Variants in NRXN3 observed in about 807,000 individuals in gnomAD.
NRXN3 encodes neurexin III.
Under a neutral mutation model 137.6 loss-of-function variants are expected in NRXN3, and 32 were observed. The observed-to-expected ratio is 0.23, with a 90% confidence interval of 0.18 to 0.31. NRXN3 has a LOEUF of 0.31. Ranked by LOEUF, NRXN3 falls within the 10% of genes least tolerant of loss-of-function variation. The pLI is 1.00. For synonymous variants in NRXN3, 798 were observed against 784.5 expected (o/e 1.02, Z -0.29); for missense variants, 1,574 against 2,062.5 (o/e 0.76, Z 4.59).
At chr14:78,908,549 C>T (rs1354791870) in intron 10 of NRXN3, among the ~76,000 whole-genome samples, 1 of 151,910 alleles carries the variant, frequency 6.6e-6, no homozygotes, top group African/African-American at 2.4e-5. Context: ...TAAAAATTTG[C>T]ACATTTCTGA....
chr14:78,993,736 G>T (rs1387560277), intron 15 of NRXN3, among the ~76,000 whole-genome samples: 1 of 151,664 alleles, frequency 6.6e-6, no homozygotes, highest in Admixed American at 6.6e-5. Context: ...TGTATAGCGA[G>T]GAGTCATAAG....
intron 4 of NRXN3, among the ~76,000 whole-genome samples, chr14:78,446,279 C>T (rs2094416883): frequency 6.6e-6 from 1 of 152,016 alleles, no homozygotes; most frequent in Non-Finnish European, 1.5e-5. Flanking sequence ...ATCTTGGTAC[C>T]AGGTCAATGA....
At chr14:79,677,951 A>G (rs1464670484) in intron 17 of NRXN3, among the ~76,000 whole-genome samples, 1 of 152,192 alleles carries the variant, frequency 6.6e-6, no homozygotes, top group Non-Finnish European at 1.5e-5. Flanking sequence ...CCAAAACATT[A>G]TTGAACTATT....
chr14:78,207,125 A>C (rs1482475546), intron 1 of NRXN3, among the ~76,000 whole-genome samples: 1 of 152,032 alleles, frequency 6.6e-6, no homozygotes, highest in African/African-American at 2.4e-5. Context: ...TGGCCTCCCA[A>C]AGTGCTGGGA....
intron 19 of NRXN3, among the ~76,000 whole-genome samples, chr14:79,788,303 C>T (rs980737916): frequency 6.6e-6 from 1 of 152,170 alleles, no homozygotes; most frequent in Non-Finnish European, 1.5e-5. Flanking sequence ...GAGATTTGGG[C>T]AGGACACAGA....
chr14:78,968,026 G>C (rs1385760753), intron 13 of NRXN3, 147 bp from the exon 14 acceptor site: 1 of 455,590 alleles, frequency 2.2e-6, no homozygotes, highest in Non-Finnish European at 3.8e-6. Flanking sequence ...TAGAAACTCA[G>C]GTGCTTATCT....
chr14:79,077,823 A>G (rs2046242035), intron 15 of NRXN3, among the ~76,000 whole-genome samples: 1 of 152,164 alleles, frequency 6.6e-6, no homozygotes, highest in African/African-American at 2.4e-5. Context: ...TTTACATTAT[A>G]TTCAGGCAGA....
chr14:78,327,013 G>A (rs2080191017), intron 4 of NRXN3, among the ~76,000 whole-genome samples: 1 of 152,002 alleles, frequency 6.6e-6, no homozygotes, highest in Admixed American at 6.6e-5. Context: ...ATGGTTGTGA[G>A]GATTAAACTA....
At chr14:78,842,412 G>A (rs2099015146) in intron 10 of NRXN3, among the ~76,000 whole-genome samples, 2 of 152,072 alleles carry the variant, frequency 1.3e-5, no homozygotes, top group South Asian at 4.2e-4. Flanking sequence ...ATTTCCAAAA[G>A]GGGAGGGAGT....
intron 15 of NRXN3, among the ~76,000 whole-genome samples, chr14:79,363,249 C>T (rs1400391448): frequency 6.6e-6 from 1 of 152,192 alleles, no homozygotes; most frequent in Non-Finnish European, 1.5e-5. Flanking sequence ...ATCCACCTGC[C>T]TCGGCCTCCC....
At chr14:78,863,865 G>A (rs891063792) in intron 10 of NRXN3, among the ~76,000 whole-genome samples, 1 of 152,004 alleles carries the variant, frequency 6.6e-6, no homozygotes, top group Non-Finnish European at 1.5e-5. Flanking sequence ...TAAATTCAAT[G>A]AGTCAGAATG....
intron 4 of NRXN3, among the ~76,000 whole-genome samples, chr14:78,318,260 G>A (rs1216673107): frequency 6.6e-6 from 1 of 152,174 alleles, no homozygotes; most frequent in East Asian, 1.9e-4. Context: ...CAGCATCTTA[G>A]GATCTTAGTT....
intron 4 of NRXN3, among the ~76,000 whole-genome samples, chr14:78,632,632 G>C (rs1465579183): frequency 6.6e-6 from 1 of 152,038 alleles, no homozygotes; most frequent in African/African-American, 2.4e-5. Context: ...TTTGAAAAAT[G>C]GGCTAGTAAA....
At chr14:78,709,130 G>T in intron 6 of NRXN3, 87 bp from the exon 7 acceptor site, 2 of 1,269,450 alleles carry the variant, frequency 1.6e-6, no homozygotes, top group Admixed American at 2.4e-5. Context: ...CCTCTTTTTG[G>T]GTCATTTTTC....
chr14:79,567,140 T>C (rs1214140363), intron 16 of NRXN3, among the ~76,000 whole-genome samples: 1 of 152,088 alleles, frequency 6.6e-6, no homozygotes, highest in Non-Finnish European at 1.5e-5. Context: ...CAGTAAGTTG[T>C]TCTCTGGCAA....
At chr14:79,427,705 G>T (rs1454965908) in intron 15 of NRXN3, among the ~76,000 whole-genome samples, 1 of 151,844 alleles carries the variant, frequency 6.6e-6, no homozygotes, top group Non-Finnish European at 1.5e-5. Flanking sequence ...GGTGGCATGT[G>T]CCTGTAATCC....
chr14:78,639,871 T>A (rs774106608), intron 4 of NRXN3, among the ~76,000 whole-genome samples: 28 of 152,296 alleles, frequency 1.8e-4, no homozygotes, highest in Admixed American at 5.2e-4. Context: ...TAAAATGACC[T>A]CACAGAACAT....
At chr14:78,880,903 C>T (rs1363359905) in intron 10 of NRXN3, among the ~76,000 whole-genome samples, 3 of 152,114 alleles carry the variant, frequency 2.0e-5, no homozygotes, top group Non-Finnish European at 2.9e-5. Flanking sequence ...ACCCAAATCA[C>T]ATCTTGAATT....
intron 19 of NRXN3, among the ~76,000 whole-genome samples, chr14:79,772,713 A>G (rs1399602143): frequency 6.6e-6 from 1 of 152,252 alleles, no homozygotes; most frequent in Non-Finnish European, 1.5e-5. Context: ...GGACATAGGC[A>G]TGGGCAAGGA....
Sources: gnomAD v4.1 joint callset for allele counts (sites outside exome capture counted in the v4.1 genomes callset) on GRCh38, gnomAD v4.1.1 for gene constraint, MANE v1.5 for transcripts, NCBI Gene and HGNC (gene_info 2026-07-23, HGNC 2026-07-21) for gene names.